Variants in FAM135B observed in about 807,000 individuals in gnomAD.
FAM135B encodes protein FAM135B.
FAM135B carries 43 observed loss-of-function variants against 127.7 expected under a neutral mutation model. The ratio of observed to expected loss-of-function variants is 0.34; its 90% CI spans 0.26 to 0.43. The LOEUF (loss-of-function observed/expected upper bound fraction) is 0.43, where lower values mean the gene tolerates loss of function less well. Ranked by LOEUF, FAM135B falls within the 20% of genes least tolerant of loss-of-function variation. The probability of loss-of-function intolerance (pLI) is 1.00; values close to 1 mark genes in which losing one functional copy is unlikely to be tolerated. For synonymous variants in FAM135B, 670 were observed against 665.1 expected (o/e 1.01, Z -0.11); for missense variants, 1,558 against 1,725.6 (o/e 0.90, Z 1.72).
intron 1 of FAM135B, among the ~76,000 whole-genome samples, chr8:138,393,315 G>A (rs1832685268): frequency 6.6e-6 from 1 of 152,096 alleles, no homozygotes; most frequent in South Asian, 2.1e-4. Context: ...AAAAATTCAA[G>A]TGACAATTTC....
intron 1 of FAM135B, among the ~76,000 whole-genome samples, chr8:138,470,054 G>A (rs1021263548): frequency 7.9e-5 from 12 of 151,982 alleles, no homozygotes; most frequent in African/African-American, 2.9e-4. Context: ...TAGTGAATGA[G>A]GTAATAAAAT....
intron 3 of FAM135B, among the ~76,000 whole-genome samples, chr8:138,276,435 C>G (rs1010336763): frequency 6.6e-6 from 1 of 152,074 alleles, no homozygotes; most frequent in African/African-American, 2.4e-5. Flanking sequence ...GTTGCGACTA[C>G]AAAAAATAGC....
intron 11 of FAM135B, among the ~76,000 whole-genome samples, chr8:138,176,673 T>G (rs2130959422): frequency 6.6e-6 from 1 of 152,348 alleles, no homozygotes; most frequent in South Asian, 2.1e-4. Context: ...CATGTGTTTC[T>G]CCTTCTATTT....
In FAM135B at chr8:138,242,195, G is replaced by A. The variant is rs893061044; in HGVS notation, c.669+747C>T. ...TGTGTGTGTGTGTGTGTGTGTGTGT[G>A]TGTGTGTGTGTGTGTGTGTGTGTTC... On this transcript the variant is annotated intron_variant, in intron 7 of 19. Transcript: ENST00000395297. This position sits in a 1 kb window ranked among gnomAD's most constrained non-coding sequence, Gnocchi z 9.6. Among the ~76,000 whole-genome samples, 1 of 149,658 alleles carries A rather than the reference G, an allele frequency of 6.7e-6. No homozygotes were observed. The highest frequency in any genetic ancestry group is 2.5e-5 in the African/African-American group (1 of 40,072).
chr8:138,166,404 T>C (rs1433178971), intron 12 of FAM135B, among the ~76,000 whole-genome samples: 1 of 152,238 alleles, frequency 6.6e-6, no homozygotes, highest in Non-Finnish European at 1.5e-5. Flanking sequence ...CAAAACAGGT[T>C]GCACTCTGGA....
chr8:138,232,762 T>G (rs1819996896), intron 7 of FAM135B, among the ~76,000 whole-genome samples: 1 of 152,230 alleles, frequency 6.6e-6, no homozygotes, highest in Non-Finnish European at 1.5e-5. Flanking sequence ...TCTTGGTAAC[T>G]TATTTTTTAT....
chr8:138,401,089 A>G (rs1030745189), intron 1 of FAM135B, among the ~76,000 whole-genome samples: 12 of 152,206 alleles, frequency 7.9e-5, no homozygotes, highest in African/African-American at 2.9e-4. Context: ...AAGCTTTTAT[A>G]TAAAATATTA....
At chr8:138,195,552 TA>T (rs992820542) in intron 8 of FAM135B, among the ~76,000 whole-genome samples, 18 of 152,136 alleles carry the variant, frequency 1.2e-4, no homozygotes, top group Admixed American at 2.0e-4. Flanking sequence ...TGCACACGGT[TA>T]TGAGAAGCAG....
chr8:138,360,177 T>C (rs1830332956), intron 2 of FAM135B, among the ~76,000 whole-genome samples: 1 of 152,230 alleles, frequency 6.6e-6, no homozygotes, highest in African/African-American at 2.4e-5. Context: ...GAGTTTTGTC[T>C]GAATTAATAT....
intron 14 of FAM135B, among the ~76,000 whole-genome samples, chr8:138,146,772 C>T (rs533588422): frequency 1.3e-5 from 2 of 151,980 alleles, no homozygotes; most frequent in Non-Finnish European, 2.9e-5. Flanking sequence ...TAATGCTGGC[C>T]GTAGGGGTTC....
chr8:138,132,848 G>T lies in FAM135B; in HGVS notation c.4016-50C>A. ...GAAGCTGGTGCAGAAATTAGCAGTG[G>T]AATCTAGAGAACATCACTAGATGTG... On this transcript the variant is annotated intron_variant, in intron 19 of 19. Transcript: ENST00000395297. This position sits in a 1 kb window ranked among gnomAD's most constrained non-coding sequence, Gnocchi z 4.5. 6.5e-7 allele frequency: 1 copy of T among 1,540,908 alleles called. No homozygotes were observed. The highest frequency in any genetic ancestry group is 9.0e-7 in the Non-Finnish European group (1 of 1,114,920).
intron 2 of FAM135B, among the ~76,000 whole-genome samples, chr8:138,327,819 C>T (rs1033914305): frequency 5.3e-5 from 8 of 152,254 alleles, no homozygotes; most frequent in Admixed American, 6.5e-5. Flanking sequence ...GTGAGGTTAG[C>T]TCAGAGTGGG....
chr8:138,156,835 A>G (rs1449055150), intron 12 of FAM135B, among the ~76,000 whole-genome samples: 1 of 152,194 alleles, frequency 6.6e-6, no homozygotes, highest in East Asian at 1.9e-4. Context: ...GTCCAGGACC[A>G]GACGGATTCA....
chr8:138,389,294 C>T lies in FAM135B; in HGVS notation c.-19-21292G>A, dbSNP rs1213842697. On this transcript the variant is annotated intron_variant, in intron 1 of 19. Coordinates refer to ENST00000395297, the MANE Select transcript of FAM135B (RefSeq NM_015912.4). ...AGAATTACCACACGACCCAGCAATC[C>T]CATTCTGGGTATGTATACACAAGAG... is the stretch of plus-strand genomic sequence containing the variant. 2.6e-5 allele frequency among the ~76,000 whole-genome samples: 4 copies of T among 152,126 alleles called. No homozygotes were observed. In the East Asian group the frequency reaches 7.7e-4, roughly 29 times the overall value.
intron 1 of FAM135B, among the ~76,000 whole-genome samples, chr8:138,456,813 T>C (rs11774157): frequency 0.52 from 79,647 of 151,836 alleles, 21,940 homozygotes; most frequent in African/African-American, 0.67. Flanking sequence ...GCCTCACTGG[T>C]ATGGTCTATA....
chr8:138,229,036 C>T (rs1175641850), intron 7 of FAM135B, among the ~76,000 whole-genome samples: 1 of 127,548 alleles, frequency 7.8e-6, no homozygotes, highest in African/African-American at 3.3e-5. Flanking sequence ...TATATGAACA[C>T]TCACACGTGT....
intron 1 of FAM135B, among the ~76,000 whole-genome samples, chr8:138,435,234 T>C (rs935011890): frequency 1.3e-5 from 2 of 151,944 alleles, no homozygotes; most frequent in Non-Finnish European, 2.9e-5. Context: ...GAGGCAGAGG[T>C]TGCAGTGAGC....
rs75243732 is a variant in FAM135B at position 138,320,511 on chromosome 8, C to A, written c.78-9591G>T. 7.3e-3 allele frequency among the ~76,000 whole-genome samples: 1,110 copies of A among 152,270 alleles called. 7 individuals carry two copies. Among genetic ancestry groups the A allele is most frequent in the Non-Finnish European group, 8.1e-3 (554 of 68,026 alleles). ...GCTCTGATCACTAATTTTCTAATATCGTCTCTCGTTTCATGTATTTCATTG... is the reference window on the plus strand; with the variant it reads ...GCTCTGATCACTAATTTTCTAATATAGTCTCTCGTTTCATGTATTTCATTG... On this transcript the variant is annotated intron_variant, in intron 2 of 19. Transcript: ENST00000395297.
chr8:138,339,852 G>C (rs1036916610), intron 2 of FAM135B, among the ~76,000 whole-genome samples: 4 of 152,146 alleles, frequency 2.6e-5, no homozygotes, highest in African/African-American at 9.7e-5. Flanking sequence ...GGGTTCCGTC[G>C]CTTCCTGTTC....
Sources: allele counts gnomAD v4.1 joint callset (sites outside exome capture counted in the v4.1 genomes callset), GRCh38; gene constraint gnomAD v4.1.1; non-coding constraint Gnocchi (gnomAD v3.1); transcripts MANE v1.5; gene names NCBI Gene and HGNC (gene_info 2026-07-23, HGNC 2026-07-21).